The following ST6GAL2 variants were observed in gnomAD, a reference collection of about 807,000 sequenced individuals.
ST6GAL2 encodes the protein beta-galactoside alpha-2,6-sialyltransferase 2.
In ST6GAL2, 24 loss-of-function variants were observed where a neutral mutation model predicts 37.5. The ratio of observed to expected loss-of-function variants is 0.64; its 90% CI spans 0.46 to 0.90. The LOEUF is 0.90. Ranked by LOEUF, ST6GAL2 falls within the 40% of genes least tolerant of loss-of-function variation. The pLI, the probability that ST6GAL2 is intolerant of heterozygous loss-of-function variation, is 0.00. For missense variants in ST6GAL2, 715 were observed against 712.7 expected, an observed-to-expected ratio of 1.00 and a Z score of -0.04; for synonymous variants, 306 against 295.1, an observed-to-expected ratio of 1.04 and a Z score of -0.38.
rs1237507662 is a variant in ST6GAL2, at chr2:106,830,164, T to C, written c.1220A>G (p.Tyr407Cys). Reference protein sequence around the residue: ...HRQRNPNQPFYILHPKFIWQL... With the variant: ...HRQRNPNQPFCILHPKFIWQL... ...CCATATAAATTTAGGATGAAGAATG[T>C]AAAATGGCTGATTTGGGTTTCTCTG... The change falls in exon 5 of 6, where the codon TAC (tyrosine) becomes TGC (cysteine). Residue 407 changes from tyrosine to cysteine, a missense_variant. Coordinates refer to ENST00000409382, the MANE Select transcript of ST6GAL2 (RefSeq NM_001142351.2). 9 of 1,613,954 alleles carry C rather than the reference T, an allele frequency of 5.6e-6. No homozygotes were observed. The highest frequency in any genetic ancestry group is 7.6e-6 in the Non-Finnish European group (9 of 1,179,962).
chr2:106,822,618 A>G (rs997930146), intron 5 of ST6GAL2, among the ~76,000 whole-genome samples: 2 of 152,124 alleles, frequency 1.3e-5, no homozygotes, highest in African/African-American at 4.8e-5. Flanking sequence ...AATACCAATG[A>G]CATTCTTCAC....
chr2:106,825,648 C>G (rs79039101), intron 5 of ST6GAL2, among the ~76,000 whole-genome samples: 1 of 152,194 alleles, frequency 6.6e-6, no homozygotes, highest in Non-Finnish European at 1.5e-5. Flanking sequence ...CTGCTATGTA[C>G]CAGGCTAACA....
intron 1 of ST6GAL2, among the ~76,000 whole-genome samples, chr2:106,880,646 TAAATCTTA>T (rs1397232335): frequency 1.3e-5 from 2 of 152,166 alleles, no homozygotes; most frequent in Admixed American, 6.6e-5. Context: ...AGAGAAAGTT[TAAATCTTA>T]AACATTTTTG....
intron 5 of ST6GAL2, among the ~76,000 whole-genome samples, chr2:106,810,881 G>A (rs929099363): frequency 6.6e-6 from 1 of 152,174 alleles, no homozygotes; most frequent in African/African-American, 2.4e-5. Context: ...TAGCCCAGAG[G>A]TTGAGGCTGC....
intron 1 of ST6GAL2, among the ~76,000 whole-genome samples, chr2:106,863,544 C>T (rs1055959664): frequency 2.6e-5 from 4 of 152,200 alleles, no homozygotes; most frequent in Admixed American, 2.0e-4. Flanking sequence ...CAGAGCAGAC[C>T]ATGATGAAGT....
rs1236270967 is a variant in ST6GAL2 at position 106,843,498 on chromosome 2, C to T, written c.480G>A (p.Glu160=). ...FPSPGEPGPR[E]GAFPAAQVQR... is the part of the protein sequence containing the mutation. ...GGACCTGTGCAGCCGGAAAAGCCCC[C>T]TCCCGTGGGCCTGGCTCCCCGGGGG... Residue 160 remains glutamate, a synonymous_variant, in exon 2 of 6, where the codon GAG becomes GAA. Transcript: ENST00000409382. 1 of 1,613,974 alleles carries T rather than the reference C, an allele frequency of 6.2e-7. No homozygotes were observed. The highest frequency in any genetic ancestry group is 1.7e-5 in the Admixed American group (1 of 60,014).
intron 1 of ST6GAL2, among the ~76,000 whole-genome samples, chr2:106,860,684 T>C (rs1248825641): frequency 6.6e-6 from 1 of 152,172 alleles, no homozygotes; most frequent in Non-Finnish European, 1.5e-5. Context: ...GAAGCTTCTA[T>C]GAAATAGACT....
At chr2:106,838,023 G>A (rs1299161579) in intron 2 of ST6GAL2, among the ~76,000 whole-genome samples, 2 of 152,158 alleles carry the variant, frequency 1.3e-5, no homozygotes, top group Non-Finnish European at 2.9e-5. Flanking sequence ...GGGATGGAAG[G>A]GGAGGGTGCG....
rs1338138652 is a variant in ST6GAL2, at chr2:106,843,354, C to A, written c.624G>T (p.Trp208Cys). Residue 208 changes from tryptophan to cysteine, a missense_variant, in exon 2 of 6, where the codon TGG becomes TGT. This residue lies in a region of ST6GAL2 where 512 missense variants were observed against 488.8 expected (regional missense o/e 1.05). Transcript: ENST00000409382. The part of the protein sequence containing the change: ...SMSRAFLYRL[W>C]KGNVSSKMLN... The stretch of plus-strand genomic sequence containing the variant: ...GCATTTTGGAAGAGACGTTCCCCTT[C>A]CAGAGCCGGTACAGGAAGGCCCTGG... 1 of 1,614,142 alleles carries A rather than the reference C, an allele frequency of 6.2e-7. No individual in the cohort carries two copies. The highest frequency in any genetic ancestry group is 1.7e-5 in the Admixed American group (1 of 60,032).
intron 5 of ST6GAL2, 30 bp from the exon 6 acceptor site, chr2:106,806,979 A>C: frequency 6.3e-7 from 1 of 1,582,262 alleles, no homozygotes; most frequent in Non-Finnish European, 8.6e-7. Context: ...TTAGAACCTA[A>C]TGAACAACTC....
chr2:106,877,574 T>C (rs1283213331), intron 1 of ST6GAL2, among the ~76,000 whole-genome samples: 1 of 152,212 alleles, frequency 6.6e-6, no homozygotes, highest in Non-Finnish European at 1.5e-5. Flanking sequence ...TTAGAGACTG[T>C]CAGTACCAAA....
chr2:106,861,703 T>G (rs986373143), intron 1 of ST6GAL2, among the ~76,000 whole-genome samples: 1 of 151,946 alleles, frequency 6.6e-6, no homozygotes, highest in Admixed American at 6.6e-5. Context: ...TGATCTCGGC[T>G]AACTTCAACC....
rs1222025531 is a variant in ST6GAL2 at position 106,843,712 on chromosome 2, A to C, written c.266T>G (p.Phe89Cys). The C allele has an allele frequency of 5.0e-6, 8 of 1,612,916 alleles. No homozygotes were observed. In the Admixed American group the frequency reaches 1.2e-4, roughly 24 times the overall value. Residue 89 changes from phenylalanine (F) to cysteine (C), a missense_variant, in exon 2 of 6, where the codon TTT becomes TGT. Physicochemically the swap from Phe to Cys is radical, Grantham distance 205. This residue lies in a region of ST6GAL2 where 512 missense variants were observed against 488.8 expected (regional missense o/e 1.05). Transcript: ENST00000409382. ...ALPRAHPAGS[F>C]HAGPGDLQKW... is the part of the protein sequence containing the mutation. Reference sequence around the variant, plus strand: ...CTGCAGGTCTCCAGGCCCCGCATGAAAGGAACCGGCTGGGTGGGCGCGGGG... The same window carrying C: ...CTGCAGGTCTCCAGGCCCCGCATGACAGGAACCGGCTGGGTGGGCGCGGGG...
intron 1 of ST6GAL2, among the ~76,000 whole-genome samples, chr2:106,844,992 T>A (rs1480395450): frequency 6.6e-6 from 1 of 152,146 alleles, no homozygotes; most frequent in Non-Finnish European, 1.5e-5. Context: ...TTAAGCAAAG[T>A]CCTGGAAAGG....
At chr2:106,831,074 A>T (rs1314721475) in intron 4 of ST6GAL2, among the ~76,000 whole-genome samples, 1 of 152,216 alleles carries the variant, frequency 6.6e-6, no homozygotes, top group Non-Finnish European at 1.5e-5. Context: ...TTAAACAGAC[A>T]TCAGGGGTAT....
chr2:106,833,311 A>C (rs1419186950), intron 3 of ST6GAL2, among the ~76,000 whole-genome samples: 1 of 152,116 alleles, frequency 6.6e-6, no homozygotes, highest in Non-Finnish European at 1.5e-5. Flanking sequence ...CTCCTTTGTA[A>C]AAAGTTGTTA....
intron 1 of ST6GAL2, among the ~76,000 whole-genome samples, chr2:106,848,566 C>CA (rs1397090124): frequency 6.6e-6 from 1 of 152,182 alleles, no homozygotes; most frequent in African/African-American, 2.4e-5. Context: ...GGGAGGAGCT[C>CA]AAAATCTCTG....
In ST6GAL2 at chr2:106,843,743, C is replaced by A. The variant is rs529061058; in HGVS notation, c.235G>T (p.Ala79Ser). The change falls in exon 2 of 6, where the codon GCG (alanine) becomes TCG (serine). Residue 79 changes from alanine (A) to serine (S), a missense_variant. Ala to Ser is a moderately conservative substitution (Grantham distance 99, BLOSUM62 1). Transcript: ENST00000409382. ...SPPGGLDARQ[A>S]LPRAHPAGSF... ...CCGGCTGGGTGGGCGCGGGGCAGCGCCTGGCGTGCGTCCAGGCCCCCAGGC... is the reference window on the plus strand; with the variant it reads ...CCGGCTGGGTGGGCGCGGGGCAGCGACTGGCGTGCGTCCAGGCCCCCAGGC... 6 of 1,611,880 alleles carry A rather than the reference C, an allele frequency of 3.7e-6. No homozygotes were observed. The Admixed American group carries it at 1.0e-4, about 27-fold the overall frequency.
At chr2:106,858,349 C>T (rs1452791586) in intron 1 of ST6GAL2, among the ~76,000 whole-genome samples, 1 of 152,184 alleles carries the variant, frequency 6.6e-6, no homozygotes, top group African/African-American at 2.4e-5. Context: ...ACAAATTCTT[C>T]AGGATACTGT....
Sources: gnomAD v4.1 joint callset for allele counts (sites outside exome capture counted in the v4.1 genomes callset) on GRCh38, gnomAD v4.1.1 for gene constraint, gnomAD v4.1.1 regional missense constraint, MANE v1.5 for transcripts, NCBI Gene and HGNC (gene_info 2026-07-23, HGNC 2026-07-21) for gene names.